CCSER1: variants seen among roughly 807,000 people sequenced by gnomAD.
CCSER1 encodes serine-rich coiled-coil domain-containing protein 1.
A neutral mutation model predicts 82.0 loss-of-function variants in CCSER1; 41 were observed. The ratio of observed to expected loss-of-function variants is 0.50; its 90% CI spans 0.39 to 0.65. The LOEUF is 0.65. Ranked by LOEUF, CCSER1 falls within the 30% of genes least tolerant of loss-of-function variation. The pLI, the probability that CCSER1 is intolerant of heterozygous loss-of-function variation, is 0.00. For synonymous variants in CCSER1, 414 were observed against 383.9 expected, an observed-to-expected ratio of 1.08 and a Z score of -0.92; for missense variants, 1,119 against 1,064.2, an observed-to-expected ratio of 1.05 and a Z score of -0.72.
intron 6 of CCSER1, among the ~76,000 whole-genome samples, chr4:90,715,561 A>G (rs1378507259): frequency 6.6e-6 from 1 of 152,042 alleles, no homozygotes; most frequent in Non-Finnish European, 1.5e-5. Context: ...TTGGGATATT[A>G]TATCTCCCAG....
intron 8 of CCSER1, among the ~76,000 whole-genome samples, chr4:90,887,870 G>T (rs897643428): frequency 1.3e-5 from 2 of 151,990 alleles, no homozygotes; most frequent in African/African-American, 4.8e-5. Context: ...GACAGAGCAA[G>T]ACTCCATCTC....
At chr4:91,000,335 A>G (rs1269016176) in intron 9 of CCSER1, among the ~76,000 whole-genome samples, 2 of 152,080 alleles carry the variant, frequency 1.3e-5, no homozygotes, top group African/African-American at 2.4e-5. Flanking sequence ...GCCTTGTAGT[A>G]TAGGTTGAAA....
At chr4:90,641,912 G>A (rs536183411) in intron 6 of CCSER1, 1 of 320,380 alleles carries the variant, frequency 3.1e-6, no homozygotes, top group Non-Finnish European at 7.1e-6. Context: ...CCACTAATGT[G>A]GTTTTATTAT....
chr4:91,566,777 C>T (rs1342024522), intron 10 of CCSER1, among the ~76,000 whole-genome samples: 2 of 152,006 alleles, frequency 1.3e-5, no homozygotes, highest in African/African-American at 4.8e-5. Flanking sequence ...GATCTTCTCT[C>T]TATTCTTCTT....
chr4:91,457,706 A>AT (rs1414772711), intron 10 of CCSER1, among the ~76,000 whole-genome samples: 3 of 152,050 alleles, frequency 2.0e-5, no homozygotes, highest in South Asian at 2.1e-4. Flanking sequence ...TTTACTTGAG[A>AT]TTTTTTTGTA....
intron 10 of CCSER1, among the ~76,000 whole-genome samples, chr4:91,471,983 A>G (rs1323235498): frequency 2.0e-5 from 3 of 151,152 alleles, no homozygotes; most frequent in African/African-American, 4.9e-5. Context: ...AAAAAAAAAA[A>G]AAAGAAAAAA....
intron 10 of CCSER1, among the ~76,000 whole-genome samples, chr4:91,234,020 T>C (rs1470787819): frequency 6.6e-6 from 1 of 151,990 alleles, no homozygotes; most frequent in African/African-American, 2.4e-5. Context: ...TTCTCACTTA[T>C]GTTACTAAAA....
At chr4:90,896,767 G>C (rs1312488054) in intron 8 of CCSER1, among the ~76,000 whole-genome samples, 1 of 151,862 alleles carries the variant, frequency 6.6e-6, no homozygotes, top group African/African-American at 2.4e-5. Context: ...CAAATATTTA[G>C]AATGAGCCAT....
At chr4:90,236,894 C>A (rs1457133721) in intron 1 of CCSER1, among the ~76,000 whole-genome samples, 2 of 151,772 alleles carry the variant, frequency 1.3e-5, no homozygotes, top group African/African-American at 2.4e-5. Flanking sequence ...ATTTAGCACG[C>A]ATTTTTCTTT....
rs1554046135 is a variant in CCSER1 at position 90,932,990 on chromosome 4, A to AAG, written c.2172+9545_2172+9546dup. 1.4e-3 allele frequency among the ~76,000 whole-genome samples: 67 copies of AAG among 48,402 alleles called. 8 individuals are homozygous for AAG. The highest frequency in any genetic ancestry group is 8.9e-3 in the Middle Eastern group (1 of 112). The allele number at this position is 48,402 out of a possible 152,430, so 31.8% of individuals were successfully genotyped here. On this transcript the variant is annotated intron_variant, in intron 9 of 10. Coordinates refer to ENST00000509176, the MANE Select transcript of CCSER1 (RefSeq NM_001145065.2). ...AGAAAGAAAGAAAGAAAGAGAAAGA[A>AAG]AGAAAGAAAGAAAGAAAGAAAGAAA...
rs544301063 is a variant in CCSER1 at position 90,691,980 on chromosome 4, T to A, written c.1933-31934T>A. ...CTGGAAGAACACACCAAAAAATAAC[T>A]AAATTAAATTTTTTAAAATTTTGCA... On this transcript the variant is annotated intron_variant, in intron 6 of 10. Coordinates refer to ENST00000509176, the MANE Select transcript of CCSER1 (RefSeq NM_001145065.2). Among the ~76,000 whole-genome samples the A allele has an allele frequency of 5.1e-3, 760 of 149,274 alleles. 11 individuals are homozygous for A. The highest frequency in any genetic ancestry group is 0.018 in the African/African-American group (728 of 40,768).
chr4:90,140,956 C>T (rs1411939620), intron 1 of CCSER1, among the ~76,000 whole-genome samples: 3 of 151,892 alleles, frequency 2.0e-5, no homozygotes, highest in South Asian at 2.1e-4. Flanking sequence ...TGAGCCACCG[C>T]GCCCGGCCTT....
intron 10 of CCSER1, among the ~76,000 whole-genome samples, chr4:91,202,294 T>C (rs1044804830): frequency 6.6e-6 from 1 of 151,956 alleles, no homozygotes; most frequent in Admixed American, 6.6e-5. Flanking sequence ...ATTTGCATGG[T>C]GCAAGATGGC....
At chr4:90,145,265 T>A (rs1725583481) in intron 1 of CCSER1, among the ~76,000 whole-genome samples, 1 of 152,174 alleles carries the variant, frequency 6.6e-6, no homozygotes, top group Admixed American at 6.5e-5. Context: ...CATCATTTTT[T>A]ATGCATAAGG....
intron 9 of CCSER1, among the ~76,000 whole-genome samples, chr4:91,000,188 G>C (rs1052646111): frequency 1.2e-4 from 18 of 151,142 alleles, no homozygotes; most frequent in Admixed American, 2.6e-4. Flanking sequence ...GGTTATATAG[G>C]CTAATGCATA....
intron 10 of CCSER1, among the ~76,000 whole-genome samples, chr4:91,562,543 T>C (rs1762701762): frequency 2.0e-5 from 3 of 151,596 alleles, no homozygotes; most frequent in East Asian, 3.9e-4. Context: ...TTTAAATAGA[T>C]GGAGGCAGCA....
At chr4:91,411,423 T>C (rs1753011511) in intron 10 of CCSER1, among the ~76,000 whole-genome samples, 1 of 144,320 alleles carries the variant, frequency 6.9e-6, no homozygotes, top group Non-Finnish European at 1.5e-5. Flanking sequence ...AATGCCTTAA[T>C]TTATCTGATA....
chr4:90,484,911 AG>A (rs1334126939), intron 5 of CCSER1, among the ~76,000 whole-genome samples: 1 of 152,204 alleles, frequency 6.6e-6, no homozygotes, highest in Non-Finnish European at 1.5e-5. Flanking sequence ...GCTGTCAGAC[AG>A]GGACATTTAA....
intron 10 of CCSER1, among the ~76,000 whole-genome samples, chr4:91,526,653 G>T (rs1466124818): frequency 1.3e-5 from 2 of 152,124 alleles, no homozygotes; most frequent in Non-Finnish European, 2.9e-5. Context: ...TGCCCAGGCT[G>T]GAGTGCAATG....
Sources: allele counts gnomAD v4.1 joint callset (sites outside exome capture counted in the v4.1 genomes callset), GRCh38; gene constraint gnomAD v4.1.1; transcripts MANE v1.5; gene names NCBI Gene and HGNC (gene_info 2026-07-23, HGNC 2026-07-21).